The following PHACTR2 variants were observed in gnomAD, a reference collection of about 807,000 sequenced individuals.
PHACTR2 encodes chromosome 6 open reading frame 56.
PHACTR2 carries 30 observed loss-of-function variants against 76.0 expected under a neutral mutation model. The observed-to-expected ratio is 0.39, with a 90% CI of 0.30 to 0.54. The LOEUF is 0.54. PHACTR2 is among the 20% of genes least tolerant of loss of function. The pLI, the probability that PHACTR2 is intolerant of heterozygous loss-of-function variation, is 0.61. For missense variants in PHACTR2, 696 were observed against 781.1 expected, an observed-to-expected ratio of 0.89 and a Z score of 1.30; for synonymous variants, 292 against 292.5, an observed-to-expected ratio of 1.00 and a Z score of 0.02.
rs1775587345 is a variant in PHACTR2, at chr6:143,787,757, A to G, written c.1708-1016A>G. ...GAGAGACCCCCCACCCACTCTGTTT[A>G]AATAAAAAAAAAATAAGCAATATCT... is the stretch of plus-strand genomic sequence containing the variant. On this transcript the variant is annotated intron_variant, in intron 10 of 12. Transcript: ENST00000440869. The surrounding 1 kb of genome is among the most constrained non-coding windows in gnomAD (Gnocchi z 4.6). Among the ~76,000 whole-genome samples, 1 of 151,882 alleles carries G rather than the reference A, an allele frequency of 6.6e-6. No individual in the cohort carries two copies. The highest frequency in any genetic ancestry group is 2.4e-5 in the African/African-American group (1 of 41,420).
At position 143,789,110 on chromosome 6, in the gene PHACTR2, A is replaced by C. The variant is rs1004666832; in HGVS notation, c.1845+200A>C. ...TTCTTTCAACTAAGTCTCAGAGAAA[A>C]GTAGTTATTTACCATATAACCTACC... is the stretch of plus-strand genomic sequence containing the variant. On this transcript the variant is annotated intron_variant, in intron 11 of 12. Transcript: ENST00000440869. This position sits in a 1 kb window ranked among gnomAD's most constrained non-coding sequence, Gnocchi z 5.1. The C allele has an allele frequency of 2.8e-5, 13 of 459,438 alleles. No homozygotes were observed. The highest frequency in any genetic ancestry group is 4.7e-5 in the Non-Finnish European group (12 of 256,034). 28.5% of individuals were successfully genotyped at this position (459,438 alleles called of 1,614,324 possible). A position where few individuals can be genotyped will look rare whatever the true frequency, so the allele number is the denominator to read the frequency against.
rs190870423 is a variant in PHACTR2 at position 143,774,079 on chromosome 6, C to T, written c.1453C>T (p.Arg485Cys). The part of the protein sequence containing the change: ...SGESALASKI[R>C]RRDTLAIKLG... Reference sequence around the variant, plus strand: ...CTCAGGTGCTTTGGCAAGTAAAATACGCCGGAGGGATACTCTTGCTATCAA... The same window carrying T: ...CTCAGGTGCTTTGGCAAGTAAAATATGCCGGAGGGATACTCTTGCTATCAA... Residue 485 changes from arginine (R) to cysteine (C), a missense_variant, in exon 8 of 13, where the codon CGC (arginine) becomes TGC (cysteine). Arg to Cys is a radical substitution (Grantham distance 180, BLOSUM62 -3). This residue lies in a region of PHACTR2 where 236 missense variants were observed against 330.2 expected (regional missense o/e 0.71). Coordinates refer to ENST00000440869, the MANE Select transcript of PHACTR2 (RefSeq NM_001100164.2). This position sits in a 1 kb window ranked among gnomAD's most constrained non-coding sequence, Gnocchi z 5.4. 1.1e-4 allele frequency: 174 copies of T among 1,613,480 alleles called. 1 individual carries two copies. In the South Asian group the frequency reaches 1.5e-3, roughly 14 times the overall value.
At position 143,757,255 on chromosome 6, in the gene PHACTR2, C is replaced by A. The variant is rs1779322483; in HGVS notation, c.455-3146C>A. On this transcript the variant is annotated intron_variant, in intron 4 of 12. Transcript: ENST00000440869. This position sits in a 1 kb window ranked among gnomAD's most constrained non-coding sequence, Gnocchi z 4.2. The stretch of plus-strand genomic sequence containing the variant: ...AGTAGTAAATGAAAAATGGCCTTTG[C>A]CTTAAGAGCATGACCTGTGAGGAGA... Among the ~76,000 whole-genome samples the A allele has an allele frequency of 6.6e-6, 1 of 152,258 alleles. No homozygotes were observed. The highest frequency in any genetic ancestry group is 6.5e-5 in the Admixed American group (1 of 15,290).
intron 1 of PHACTR2, among the ~76,000 whole-genome samples, chr6:143,687,138 A>G (rs746210231): frequency 6.6e-6 from 1 of 152,168 alleles, no homozygotes; most frequent in Non-Finnish European, 1.5e-5. Flanking sequence ...AACATCACCT[A>G]CTTCTCTTTG....
rs1300177658 is a variant in PHACTR2, at chr6:143,621,980, T to G, written c.13+13658T>G. Among the ~76,000 whole-genome samples, 2 of 152,180 alleles carry G rather than the reference T, an allele frequency of 1.3e-5. No homozygotes were observed. The highest frequency in any genetic ancestry group is 1.3e-4 in the Admixed American group (2 of 15,270). On this transcript the variant is annotated intron_variant, in intron 1 of 11. Coordinates refer to the PHACTR2 transcript ENST00000305766. This position sits in a 1 kb window ranked among gnomAD's most constrained non-coding sequence, Gnocchi z 4.1. ...TGCTGTTTTCTTCTTTTTGTGTGTGTGGTCTGGGAAACCAAATAATCAAGA... is the reference window on the plus strand; with the variant it reads ...TGCTGTTTTCTTCTTTTTGTGTGTGGGGTCTGGGAAACCAAATAATCAAGA...
chr6:143,668,838 T>C (rs1777094653), intron 1 of PHACTR2, among the ~76,000 whole-genome samples: 1 of 152,208 alleles, frequency 6.6e-6, no homozygotes, highest in Non-Finnish European at 1.5e-5. Context: ...GATTCATTTA[T>C]TTTTTGAAGG....
chr6:143,741,977 C>T (rs1224241184), intron 2 of PHACTR2, among the ~76,000 whole-genome samples: 4 of 151,646 alleles, frequency 2.6e-5, no homozygotes, highest in East Asian at 1.9e-4. Context: ...TGGTGGCGGG[C>T]ACCTGTAATC....
At chr6:143,665,371 A>C (rs1451357678) in intron 1 of PHACTR2, among the ~76,000 whole-genome samples, 1 of 152,122 alleles carries the variant, frequency 6.6e-6, no homozygotes, top group African/African-American at 2.4e-5. Flanking sequence ...GTTTAGGTAT[A>C]CATTGATTTG....
rs1776437688 is a variant in PHACTR2, at chr6:143,822,267, G to C, written c.1923-1407G>C. Among the ~76,000 whole-genome samples, 1 of 152,098 alleles carries C rather than the reference G, an allele frequency of 6.6e-6. No individual in the cohort carries two copies. The highest frequency in any genetic ancestry group is 6.5e-5 in the Admixed American group (1 of 15,270). On this transcript the variant is annotated intron_variant, in intron 12 of 12. Coordinates refer to ENST00000440869, the MANE Select transcript of PHACTR2 (RefSeq NM_001100164.2). This position sits in a 1 kb window ranked among gnomAD's most constrained non-coding sequence, Gnocchi z 5.5. ...GTCTTGAACTCCTGGACTCAAGGCT[G>C]TCCTCCCACCTCAACCTCCCAAGCA...
intron 2 of PHACTR2, among the ~76,000 whole-genome samples, chr6:143,721,163 G>A (rs533018775): frequency 1.3e-5 from 2 of 152,332 alleles, no homozygotes; most frequent in South Asian, 2.1e-4. Context: ...GGTGGACACA[G>A]TATCAAGTCC....
At chr6:143,706,520 T>C (rs1385095739) in intron 1 of PHACTR2, among the ~76,000 whole-genome samples, 1 of 152,218 alleles carries the variant, frequency 6.6e-6, no homozygotes, top group Non-Finnish European at 1.5e-5. Context: ...CGCTTATCTG[T>C]AACTTCTCTC....
rs1304183519 is a variant in PHACTR2 at position 143,658,475 on chromosome 6, GT to G, written c.13+50154del. On this transcript the variant is annotated intron_variant, in intron 1 of 11. Coordinates refer to the PHACTR2 transcript ENST00000305766. This position sits in a 1 kb window ranked among gnomAD's most constrained non-coding sequence, Gnocchi z 4.1. Reference sequence around the variant, plus strand: ...CTTAAAGACAGGGATACAATCTGAGGTGTGTTGTTAAGTGATTTTGTCATTG... The same window carrying G: ...CTTAAAGACAGGGATACAATCTGAGGGTGTTGTTAAGTGATTTTGTCATTG... Among the ~76,000 whole-genome samples the G allele has an allele frequency of 6.6e-6, 1 of 152,114 alleles. No homozygotes were observed. The highest frequency in any genetic ancestry group is 1.5e-5 in the Non-Finnish European group (1 of 68,022).
In PHACTR2 at chr6:143,647,560, G is replaced by C. The variant is rs1697041105; in HGVS notation, c.13+39238G>C. Among the ~76,000 whole-genome samples the C allele has an allele frequency of 6.6e-6, 1 of 152,196 alleles. No homozygotes were observed. The highest frequency in any genetic ancestry group is 6.5e-5 in the Admixed American group (1 of 15,274). On this transcript the variant is annotated intron_variant, in intron 1 of 11. Transcript: ENST00000305766. This position sits in a 1 kb window ranked among gnomAD's most constrained non-coding sequence, Gnocchi z 4.2. ...GATACATTTCTCAGTGCTTAATTTAGTTAAGTGAGATGGGGGCGGGAAAGA... is the reference window on the plus strand; with the variant it reads ...GATACATTTCTCAGTGCTTAATTTACTTAAGTGAGATGGGGGCGGGAAAGA...
Position 143,546,515 on chromosome 6 carries a change from A to C in PHACTR2, c.217+9308A>C, listed in dbSNP as rs1417602394. ...GTCATTAGTCAGGTCATCAATGTTGATTTATGATCTTTTTTGTTTTATGTA... is the reference window on the plus strand; with the variant it reads ...GTCATTAGTCAGGTCATCAATGTTGCTTTATGATCTTTTTTGTTTTATGTA... On this transcript the variant is annotated intron_variant, in intron 1 of 11. Coordinates refer to the PHACTR2 transcript ENST00000367584. The surrounding 1 kb of genome is among the most constrained non-coding windows in gnomAD (Gnocchi z 4.9). Among the ~76,000 whole-genome samples, 2 of 152,160 alleles carry C rather than the reference A, an allele frequency of 1.3e-5. No homozygotes were observed. The highest frequency in any genetic ancestry group is 4.8e-5 in the African/African-American group (2 of 41,434).
Position 143,822,334 on chromosome 6 carries a change from T to C in PHACTR2, c.1923-1340T>C, listed in dbSNP as rs1776438955. The stretch of plus-strand genomic sequence containing the variant: ...TATGCTACCATGCCCAGCTTAAATT[T>C]TATTTTGTAGGTAATGGGGAACAAT... On this transcript the variant is annotated intron_variant, in intron 12 of 12. Coordinates refer to ENST00000440869, the MANE Select transcript of PHACTR2 (RefSeq NM_001100164.2). The surrounding 1 kb of genome is among the most constrained non-coding windows in gnomAD (Gnocchi z 5.5). Among the ~76,000 whole-genome samples the C allele has an allele frequency of 6.6e-6, 1 of 152,088 alleles. No individual in the cohort carries two copies. Among genetic ancestry groups the C allele is most frequent in the Non-Finnish European group, 1.5e-5 (1 of 68,024 alleles).
chr6:143,785,001 C>T (rs986209353), intron 10 of PHACTR2, among the ~76,000 whole-genome samples: 6 of 152,110 alleles, frequency 3.9e-5, no homozygotes, highest in Admixed American at 3.9e-4. Flanking sequence ...TATCATTCTG[C>T]CCCTGGCCCC....
At chr6:143,634,289 T>C (rs1239511648) in intron 1 of PHACTR2, among the ~76,000 whole-genome samples, 1 of 152,260 alleles carries the variant, frequency 6.6e-6, no homozygotes, top group Non-Finnish European at 1.5e-5. Flanking sequence ...CTTAAGAATG[T>C]ACCGTTCCTT....
intron 1 of PHACTR2, among the ~76,000 whole-genome samples, chr6:143,630,200 AATTAAAAGACTTTATTTACTATCATTT>A: frequency 1.1e-5 from 1 of 94,594 alleles, no homozygotes; most frequent in Non-Finnish European, 2.9e-5. Context: ...AAGATCAAAA[AATTAAAAGACTTTATTTACTATCATTT>A]AAAATATTTT....
intron 2 of PHACTR2, among the ~76,000 whole-genome samples, chr6:143,732,811 C>CT (rs996457683): frequency 6.6e-6 from 1 of 152,176 alleles, no homozygotes; most frequent in Non-Finnish European, 1.5e-5. Context: ...TACTACCTGT[C>CT]TTTTTTTATT....
Sources: gnomAD v4.1 joint callset for allele counts (sites outside exome capture counted in the v4.1 genomes callset) on GRCh38, gnomAD v4.1.1 for gene constraint, gnomAD v4.1.1 regional missense constraint, Gnocchi (gnomAD v3.1) non-coding constraint, MANE v1.5 for transcripts, NCBI Gene and HGNC (gene_info 2026-07-23, HGNC 2026-07-21) for gene names.